Variants in GALNT1 observed in about 807,000 individuals in gnomAD.
GALNT1 encodes polypeptide N-acetylgalactosaminyltransferase 1, also known as GalNAc transferase 1.
A neutral mutation model predicts 65.7 loss-of-function variants in GALNT1; 17 were observed. The ratio of observed to expected loss-of-function variants is 0.26; its 90% CI spans 0.18 to 0.39. The LOEUF (loss-of-function observed/expected upper bound fraction) is 0.39. Among genes scored for constraint, GALNT1 ranks in the 10% least tolerant of loss-of-function variants. The probability of loss-of-function intolerance (pLI) is 1.00; values close to 1 mark genes in which losing one functional copy is unlikely to be tolerated. For synonymous variants in GALNT1, 210 were observed against 219.7 expected (o/e 0.96, Z 0.39); for missense variants, 460 against 672.8 (o/e 0.68, Z 3.50).
At chr18:35,685,398 A>G (rs2047852952) in intron 5 of GALNT1, among the ~76,000 whole-genome samples, 1 of 152,074 alleles carries the variant, frequency 6.6e-6, no homozygotes, top group South Asian at 2.1e-4. Context: ...AAAAGGGTTC[A>G]CTGAAATTTA....
intron 9 of GALNT1, among the ~76,000 whole-genome samples, chr18:35,694,134 C>T (rs1015683961): frequency 1.9e-4 from 29 of 152,118 alleles, no homozygotes; most frequent in Admixed American, 1.3e-4. Flanking sequence ...GCCTATCTCA[C>T]AGTGTTGAGA....
At chr18:35,613,068 C>G (rs1161161912) in intron 1 of GALNT1, among the ~76,000 whole-genome samples, 1 of 152,186 alleles carries the variant, frequency 6.6e-6, no homozygotes. Context: ...CCCTACCTGA[C>G]TACTCAATTT....
intron 3 of GALNT1, among the ~76,000 whole-genome samples, chr18:35,674,447 C>T (rs985675952): frequency 6.6e-6 from 1 of 152,070 alleles, no homozygotes; most frequent in South Asian, 2.1e-4. Context: ...CTGGCAACCG[C>T]ACAGTATGAG....
At chr18:35,621,588 C>T (rs1461178460) in intron 1 of GALNT1, among the ~76,000 whole-genome samples, 5 of 152,042 alleles carry the variant, frequency 3.3e-5, no homozygotes, top group African/African-American at 4.8e-5. Context: ...CCCGGACTTT[C>T]GCATATCTTA....
At chr18:35,675,912 A>G (rs888043978) in intron 3 of GALNT1, among the ~76,000 whole-genome samples, 3 of 152,206 alleles carry the variant, frequency 2.0e-5, no homozygotes, top group African/African-American at 7.2e-5. Flanking sequence ...GAGTCTGTGC[A>G]TCAGGCATTC....
intron 3 of GALNT1, among the ~76,000 whole-genome samples, chr18:35,675,938 C>T (rs746695300): frequency 6.6e-6 from 1 of 152,154 alleles, no homozygotes; most frequent in Non-Finnish European, 1.5e-5. Context: ...ACAGCTTGCT[C>T]AGCTATGATG....
chr18:35,595,180 C>T (rs929899759), intron 1 of GALNT1, among the ~76,000 whole-genome samples: 1 of 152,062 alleles, frequency 6.6e-6, no homozygotes. Flanking sequence ...ATGTAAAATA[C>T]TCTTAATATA....
intron 1 of GALNT1, among the ~76,000 whole-genome samples, chr18:35,639,200 G>T (rs2047130566): frequency 6.6e-6 from 1 of 152,140 alleles, no homozygotes. Context: ...TTCATGAAAG[G>T]AAGAGTTGAT....
chr18:35,695,971 G>C (rs2048049520), intron 9 of GALNT1, among the ~76,000 whole-genome samples: 1 of 152,130 alleles, frequency 6.6e-6, no homozygotes, highest in Non-Finnish European at 1.5e-5. Flanking sequence ...CCAGAGTTCG[G>C]GCGTGTGACA....
chr18:35,605,037 C>T (rs889479240), intron 1 of GALNT1, among the ~76,000 whole-genome samples: 1 of 152,106 alleles, frequency 6.6e-6, no homozygotes, highest in Admixed American at 6.5e-5. Context: ...TTTTGGAACC[C>T]ATGCAAAATA....
intron 1 of GALNT1, among the ~76,000 whole-genome samples, chr18:35,613,037 CCACCAGG>C (rs1488220726): frequency 6.6e-6 from 1 of 152,162 alleles, no homozygotes; most frequent in Non-Finnish European, 1.5e-5. Flanking sequence ...CAGCTCCTCT[CCACCAGG>C]CACTCATGGT....
intron 1 of GALNT1, among the ~76,000 whole-genome samples, chr18:35,607,157 C>T (rs184135005): frequency 2.6e-5 from 4 of 152,154 alleles, no homozygotes; most frequent in Admixed American, 2.6e-4. Context: ...GACAGAGGCC[C>T]TGAGTCTAAC....
intron 1 of GALNT1, among the ~76,000 whole-genome samples, chr18:35,618,654 A>G (rs1044162978): frequency 5.3e-5 from 8 of 152,136 alleles, no homozygotes; most frequent in African/African-American, 1.7e-4. Context: ...TTTATTTCAG[A>G]GTTTTTTTTT....
intron 1 of GALNT1, among the ~76,000 whole-genome samples, chr18:35,652,827 G>C (rs1237220745): frequency 1.3e-5 from 2 of 152,150 alleles, no homozygotes. Context: ...CGAAACTTAA[G>C]TAGAAGTAGA....
At chr18:35,694,889 C>T (rs1017450793) in intron 9 of GALNT1, among the ~76,000 whole-genome samples, 5 of 152,116 alleles carry the variant, frequency 3.3e-5, no homozygotes, top group African/African-American at 1.2e-4. Flanking sequence ...ACCTTGAGGA[C>T]CTTATGTTAA....
At chr18:35,605,490 CAAA>C (rs1175947462) in intron 1 of GALNT1, among the ~76,000 whole-genome samples, 5 of 115,846 alleles carry the variant, frequency 4.3e-5, no homozygotes, top group African/African-American at 6.3e-5. Flanking sequence ...GACTCTGTCT[CAAA>C]AAAAAAAAAA....
intron 1 of GALNT1, among the ~76,000 whole-genome samples, chr18:35,610,677 T>C (rs2046705880): frequency 1.3e-5 from 2 of 152,190 alleles, no homozygotes; most frequent in African/African-American, 2.4e-5. Flanking sequence ...GTTTTGTGGG[T>C]TCATATGTAT....
At chr18:35,672,102 G>T (rs1185208903) in intron 3 of GALNT1, among the ~76,000 whole-genome samples, 1 of 152,208 alleles carries the variant, frequency 6.6e-6, no homozygotes, top group Admixed American at 6.5e-5. Flanking sequence ...AGGACAAGTT[G>T]TCTGACTTTT....
intron 1 of GALNT1, among the ~76,000 whole-genome samples, chr18:35,626,324 T>C (rs2046916258): frequency 6.6e-6 from 1 of 152,140 alleles, no homozygotes; most frequent in African/African-American, 2.4e-5. Flanking sequence ...TTGAGAAAGT[T>C]TGAGTGAATT....
Sources: allele counts gnomAD v4.1 joint callset (sites outside exome capture counted in the v4.1 genomes callset), GRCh38; gene constraint gnomAD v4.1.1; transcripts MANE v1.5; gene names NCBI Gene and HGNC (gene_info 2026-07-23, HGNC 2026-07-21).